The following MLF1 variants were observed in gnomAD, a reference collection of about 807,000 sequenced individuals.
The protein encoded by MLF1 is myeloid leukemia factor 1, also known as myelodysplasia-myeloid leukemia factor 1.
A neutral mutation model predicts 38.3 loss-of-function variants in MLF1; 37 were observed. The observed-to-expected ratio is 0.96, with a 90% CI of 0.74 to 1.27. The LOEUF (loss-of-function observed/expected upper bound fraction) is 1.27, where lower values mean the gene tolerates loss of function less well. MLF1 is among the 50% of genes most tolerant of loss of function. The pLI is 0.00. For missense variants in MLF1, 331 were observed against 349.2 expected, an observed-to-expected ratio of 0.95 and a Z score of 0.42; for synonymous variants, 95 against 106.5, an observed-to-expected ratio of 0.89 and a Z score of 0.66.
rs1353759335 is a variant in MLF1 at position 158,605,174 on chromosome 3, G to T, written c.824G>T (p.Gly275Val). Residue 275 changes from glycine to valine, a missense_variant, in exon 8 of 8, where the codon GGC (glycine) becomes GTC (valine). By Grantham distance (109) the Gly-to-Val change is moderately radical (BLOSUM62 -3). Transcript: ENST00000466246. ...NVLGDKLHIK[G>V]SSVKSNKK Reference sequence around the variant, plus strand: ...TTGGGGGACAAACTCCACATCAAAGGCTCATCTGTGAAAAGCAACAAAAAA... The same window carrying T: ...TTGGGGGACAAACTCCACATCAAAGTCTCATCTGTGAAAAGCAACAAAAAA... The T allele has an allele frequency of 1.9e-5, 31 of 1,613,500 alleles. No homozygotes were observed. The highest frequency in any genetic ancestry group is 2.5e-5 in the Non-Finnish European group (29 of 1,179,766).
intron 6 of MLF1, among the ~76,000 whole-genome samples, chr3:158,601,344 C>A (rs1719714951): frequency 6.6e-6 from 1 of 151,820 alleles, no homozygotes; most frequent in African/African-American, 2.4e-5. Flanking sequence ...CCAAGGCGGG[C>A]AGATCACGAG....
chr3:158,603,713 C>T (rs537956215), intron 7 of MLF1, among the ~76,000 whole-genome samples: 1 of 152,126 alleles, frequency 6.6e-6, no homozygotes, highest in South Asian at 2.1e-4. Flanking sequence ...TAGCACACAC[C>T]CTGTAATCCC....
At chr3:158,583,671 CT>C (rs1334238878) in intron 1 of MLF1, among the ~76,000 whole-genome samples, 13 of 152,264 alleles carry the variant, frequency 8.5e-5, no homozygotes, top group African/African-American at 2.2e-4. Context: ...CTACTCCCCC[CT>C]AATTCAATTC....
At chr3:158,581,606 A>G (rs1560098615) in intron 1 of MLF1, among the ~76,000 whole-genome samples, 1 of 152,186 alleles carries the variant, frequency 6.6e-6, no homozygotes, top group Admixed American at 6.5e-5. Context: ...CTACATTACT[A>G]AAGGTCTATT....
In MLF1 at chr3:158,584,014, G is replaced by A. The variant is rs534333290; in HGVS notation, c.48-8420G>A. On this transcript the variant is annotated intron_variant, in intron 1 of 7. Coordinates refer to ENST00000466246, the MANE Select transcript of MLF1 (RefSeq NM_001369783.1). ...AGATGCTAGAGAATGACCAAAAGCA[G>A]ATATATGCTGGAGAGGTCTCAACAG... Among the ~76,000 whole-genome samples the A allele has an allele frequency of 3.9e-5, 6 of 152,318 alleles. No homozygotes were observed. The South Asian group carries it at 1.2e-3, about 32-fold the overall frequency.
At chr3:158,581,432 G>A (rs1424464700) in intron 1 of MLF1, among the ~76,000 whole-genome samples, 4 of 152,146 alleles carry the variant, frequency 2.6e-5, no homozygotes, top group Non-Finnish European at 5.9e-5. Flanking sequence ...AGTCTGCCTG[G>A]GGGAAGGCAA....
chr3:158,602,095 C>T (rs1272285363), intron 6 of MLF1, among the ~76,000 whole-genome samples: 2 of 151,990 alleles, frequency 1.3e-5, no homozygotes, highest in Non-Finnish European at 2.9e-5. Flanking sequence ...GGATTACAGG[C>T]GTGAGCCACC....
In MLF1 at chr3:158,600,056, C is replaced by A; in HGVS notation, c.496C>A (p.Leu166Ile). 1.4e-6 allele frequency: 2 copies of A among 1,452,024 alleles called. No homozygotes were observed. The highest frequency in any genetic ancestry group is 2.6e-5 in the East Asian group (1 of 38,358). 89.9% of individuals were successfully genotyped at this position (1,452,024 alleles called of 1,614,324 possible). ...AGCAATGAGAGATTCTGACAGTGGACTAGAAAAAATGGCTATTGGTCATCA... is the reference window on the plus strand; with the variant it reads ...AGCAATGAGAGATTCTGACAGTGGAATAGAAAAAATGGCTATTGGTCATCA... ...RKAMRDSDSG[L>I]EKMAIGHHIH... Residue 166 changes from leucine (L) to isoleucine (I), a missense_variant, in exon 6 of 8, where the codon CTA becomes ATA. Leu to Ile is a conservative substitution (Grantham distance 5). Coordinates refer to ENST00000466246, the MANE Select transcript of MLF1 (RefSeq NM_001369783.1).
rs74521176 is a variant in MLF1 at position 158,575,649 on chromosome 3, T to C, written c.47+4302T>C. ...TGCCCACTCTCTTTTATATAAATATTATCCCTGTTGCTAACATTGTGGTGG... is the reference window on the plus strand; with the variant it reads ...TGCCCACTCTCTTTTATATAAATATCATCCCTGTTGCTAACATTGTGGTGG... On this transcript the variant is annotated intron_variant, in intron 1 of 7. Transcript: ENST00000466246. Among the ~76,000 whole-genome samples the C allele has an allele frequency of 1.6e-3, 246 of 152,252 alleles. 4 individuals carry two copies. In the East Asian group the frequency reaches 0.033, roughly 20 times the overall value.
intron 1 of MLF1, chr3:158,573,414 G>GGGGGGT (rs1714883485): frequency 1.2e-5 from 1 of 83,702 alleles, no homozygotes. Context: ...GGGGGGGGGG[G>GGGGGGT]TGTGTATTTA....
intron 1 of MLF1, among the ~76,000 whole-genome samples, chr3:158,580,033 T>C (rs1283018688): frequency 1.3e-5 from 2 of 152,236 alleles, no homozygotes; most frequent in Non-Finnish European, 2.9e-5. Flanking sequence ...ACGAATACTT[T>C]GGAATAATCT....
At chr3:158,590,849 T>C (rs1479944579) in intron 1 of MLF1, 1 of 449,212 alleles carries the variant, frequency 2.2e-6, no homozygotes, top group African/African-American at 2.0e-5. Context: ...TACAACAAAA[T>C]TGGTAAATTT....
At position 158,602,794 on chromosome 3, in the gene MLF1, C is replaced by A; in HGVS notation, c.614-13C>A. The A allele has an allele frequency of 6.2e-7, 1 of 1,610,772 alleles. No homozygotes were observed. The highest frequency in any genetic ancestry group is 1.1e-5 in the South Asian group (1 of 90,464). On this transcript the variant is annotated splice_polypyrimidine_tract_variant and intron_variant, in intron 6 of 7. Transcript: ENST00000466246. ...CTTAATACTTATTCCCATTATTTTT[C>A]TGTTTGACATAGGTGATGCTCATGC...
chr3:158,591,713 TG>T (rs1192769276), intron 1 of MLF1, among the ~76,000 whole-genome samples: 1 of 151,904 alleles, frequency 6.6e-6, no homozygotes, highest in Middle Eastern at 3.2e-3. Context: ...ACTGTCCAAC[TG>T]GAACAAAGTT....
rs973850393 is a variant in MLF1, at chr3:158,592,679, A to C, written c.195+98A>C. 1.3e-4 allele frequency: 133 copies of C among 1,001,916 alleles called. 1 individual carries two copies. The Admixed American group carries it at 3.4e-3, about 25-fold the overall frequency. 62.1% of individuals were successfully genotyped at this position (1,001,916 alleles called of 1,614,324 possible). ...ATATCTATAATGATAGGATATGACT[A>C]ATATTCTTGTTCTAGAAATCACTAT... is the stretch of plus-strand genomic sequence containing the variant. On this transcript the variant is annotated intron_variant, in intron 2 of 7. Coordinates refer to ENST00000466246, the MANE Select transcript of MLF1 (RefSeq NM_001369783.1).
chr3:158,590,828 T>A (rs1474545926), intron 1 of MLF1: 1 of 450,432 alleles, frequency 2.2e-6, no homozygotes, highest in Non-Finnish European at 4.4e-6. Context: ...TTTTTAAAAT[T>A]CATCAAACTG....
chr3:158,573,802 T>C (rs1217791250), intron 1 of MLF1, among the ~76,000 whole-genome samples: 1 of 133,794 alleles, frequency 7.5e-6, no homozygotes, highest in African/African-American at 2.6e-5. Context: ...GGGTGTGTTG[T>C]GCGTCTGTGT....
intron 1 of MLF1, among the ~76,000 whole-genome samples, chr3:158,579,144 C>T (rs1313872026): frequency 6.6e-6 from 1 of 151,986 alleles, no homozygotes; most frequent in Non-Finnish European, 1.5e-5. Flanking sequence ...TTTTTAAAAC[C>T]TCCTATTTCC....
intron 7 of MLF1, among the ~76,000 whole-genome samples, chr3:158,604,832 T>G (rs2108665179): frequency 6.6e-6 from 1 of 152,146 alleles, no homozygotes; most frequent in Admixed American, 6.5e-5. Context: ...CTAATCTTTG[T>G]ATTTTTAGTA....
Sources: allele counts gnomAD v4.1 joint callset (sites outside exome capture counted in the v4.1 genomes callset), GRCh38; gene constraint gnomAD v4.1.1; transcripts MANE v1.5; gene names NCBI Gene and HGNC (gene_info 2026-07-23, HGNC 2026-07-21).